SNRNP70: variants seen among roughly 807,000 people sequenced by gnomAD.
SNRNP70 encodes U1 small nuclear ribonucleoprotein 70 kDa.
SNRNP70 carries 8 observed loss-of-function variants against 50.5 expected under a neutral mutation model. The ratio of observed to expected loss-of-function variants is 0.16; its 90% CI spans 0.09 to 0.29. SNRNP70 has a LOEUF of 0.29. SNRNP70 is among the 10% of genes least tolerant of loss of function. SNRNP70 has a pLI of 1.00. For missense variants in SNRNP70, 529 were observed against 663.5 expected, an observed-to-expected ratio of 0.80 and a Z score of 2.23; for synonymous variants, 320 against 252.9, an observed-to-expected ratio of 1.27 and a Z score of -2.52.
chr19:49,085,662 G>A, intron 1 of SNRNP70, 26 bp downstream of exon 1: 1 of 455,794 alleles, frequency 2.2e-6, no homozygotes. Flanking sequence ...TGAGTGGCCC[G>A]ACGGGGTGCG....
At chr19:49,100,713 G>A (rs2040571976) in intron 6 of SNRNP70, among the ~76,000 whole-genome samples, 1 of 151,514 alleles carries the variant, frequency 6.6e-6, no homozygotes, top group African/African-American at 2.4e-5. Flanking sequence ...GGCTGAGGCA[G>A]GAGAATCGCT....
chr19:49,096,079 T>G (rs1393055512), intron 4 of SNRNP70, among the ~76,000 whole-genome samples: 2 of 150,846 alleles, frequency 1.3e-5, no homozygotes, highest in African/African-American at 2.4e-5. Flanking sequence ...TGTTTTTTGT[T>G]TTTTTTTTCG....
At position 49,104,770 on chromosome 19, in the gene SNRNP70, G is replaced by T. The variant is rs145295496; in HGVS notation, c.577+35G>T. The stretch of plus-strand genomic sequence containing the variant: ...TCCTGCCTTCGACGGGCTCTCGGGG[G>T]CCCTGGGCCTGGTGGCCTTGTTCTC... On this transcript the variant is annotated intron_variant, in intron 8 of 9. Transcript: ENST00000598441. This position sits in a 1 kb window ranked among gnomAD's most constrained non-coding sequence, Gnocchi z 5.4. 4 of 1,400,450 alleles carry T rather than the reference G, an allele frequency of 2.9e-6. No homozygotes were observed. Among genetic ancestry groups the T allele is most frequent in the Admixed American group, 2.3e-5 (1 of 42,942 alleles). 86.8% of individuals were successfully genotyped at this position (1,400,450 alleles called of 1,614,324 possible).
intron 2 of SNRNP70, chr19:49,087,633 G>A (rs1006546401): frequency 2.0e-5 from 3 of 152,204 alleles, no homozygotes; most frequent in African/African-American, 7.2e-5. Context: ...GGGATGACAA[G>A]GGTCATCTCT....
At chr19:49,088,863 A>T (rs2040414815) in intron 2 of SNRNP70, among the ~76,000 whole-genome samples, 2 of 152,058 alleles carry the variant, frequency 1.3e-5, no homozygotes, top group African/African-American at 4.8e-5. Flanking sequence ...GAGGGTGTGC[A>T]GTTGTGGGCT....
Position 49,108,332 on chromosome 19 carries a change from C to CGGGCTGGAG in SNRNP70, c.1206_1214dup (p.Glu404_Leu406dup). 1.9e-6 allele frequency: 3 copies of CGGGCTGGAG among 1,602,008 alleles called. No homozygotes were observed. The highest frequency in any genetic ancestry group is 2.6e-6 in the Non-Finnish European group (3 of 1,174,686). ...GAGGTGGGGGCGGTGGCCAGGACAA[C>CGGGCTGGAG]GGGCTGGAGGGTCTGGGCAACGACA... is the stretch of plus-strand genomic sequence containing the variant. On this transcript the variant is annotated inframe_insertion, in exon 10 of 10. Coordinates refer to ENST00000598441, the MANE Select transcript of SNRNP70 (RefSeq NM_003089.6).
chr19:49,092,740 A>T (rs368441530), intron 4 of SNRNP70, among the ~76,000 whole-genome samples: 1 of 152,128 alleles, frequency 6.6e-6, no homozygotes, highest in East Asian at 1.9e-4. Context: ...AACCACATCC[A>T]CTGTGGGTCT....
chr19:49,102,249 G>A, intron 7 of SNRNP70: 1 of 1,157,008 alleles, frequency 8.6e-7, no homozygotes, highest in South Asian at 1.3e-5. Flanking sequence ...GGCAGCTCAG[G>A]AGCAGCGAGG....
At position 49,090,538 on chromosome 19, in the gene SNRNP70, C is replaced by A. The variant is rs2040435147; in HGVS notation, c.265+18C>A. The A allele has an allele frequency of 1.2e-6, 2 of 1,612,580 alleles. No homozygotes were observed. The highest frequency in any genetic ancestry group is 1.7e-6 in the Non-Finnish European group (2 of 1,178,764). ...TAAAATGTGTAAGTCTCTCATCCACCATTTGGCTCTCTCCTCTCCCAAACC... is the reference window on the plus strand; with the variant it reads ...TAAAATGTGTAAGTCTCTCATCCACAATTTGGCTCTCTCCTCTCCCAAACC... On this transcript the variant is annotated intron_variant, in intron 4 of 9. Coordinates refer to ENST00000598441, the MANE Select transcript of SNRNP70 (RefSeq NM_003089.6).
chr19:49,093,791 C>G (rs1020497615), intron 4 of SNRNP70, among the ~76,000 whole-genome samples: 14 of 150,570 alleles, frequency 9.3e-5, no homozygotes, highest in African/African-American at 3.2e-4. Context: ...GTCAGGAGTT[C>G]AAGACCAGCC....
rs2040716411 is a variant in SNRNP70, at chr19:49,108,503, A to C, written c.*60A>C. ...CGTTCCTGCCCAGCCCCTTGCTGTC[A>C]TCCCCTCCCCCAACCTTGGCCACTT... is the stretch of plus-strand genomic sequence containing the variant. On this transcript the variant is annotated 3_prime_UTR_variant, in exon 10 of 10. Coordinates refer to ENST00000598441, the MANE Select transcript of SNRNP70 (RefSeq NM_003089.6). 1.7e-5 allele frequency: 26 copies of C among 1,536,872 alleles called. No homozygotes were observed. In the South Asian group the frequency reaches 2.8e-4, roughly 16 times the overall value.
At chr19:49,093,080 A>G (rs1380533145) in intron 4 of SNRNP70, among the ~76,000 whole-genome samples, 15 of 150,082 alleles carry the variant, frequency 1.0e-4, no homozygotes. Context: ...ATGCCCAGCC[A>G]AAAGTGTTTT....
At chr19:49,103,052 C>G (rs1255284785) in intron 7 of SNRNP70, 1 of 152,626 alleles carries the variant, frequency 6.6e-6, no homozygotes, top group Non-Finnish European at 1.5e-5. Context: ...TCCTGGACCC[C>G]TGTGTGCCAG....
intron 6 of SNRNP70, among the ~76,000 whole-genome samples, chr19:49,101,170 C>T (rs902391119): frequency 7.2e-5 from 11 of 152,240 alleles, no homozygotes; most frequent in Admixed American, 1.3e-4. Flanking sequence ...CTTCATCTCT[C>T]TTCTTTCTTT....
chr19:49,089,656 A>ATTTTTTTT lies in SNRNP70; in HGVS notation c.148-618_148-611dup, dbSNP rs71179085. On this transcript the variant is annotated intron_variant, in intron 2 of 9. Transcript: ENST00000598441. ...GACCATGCTTAGTTTTTGAGACAGG[A>ATTTTTTTT]TTTTTTTTTTTTTTTTTTTTTTTTG... Among the ~76,000 whole-genome samples the ATTTTTTTT allele has an allele frequency of 1.2e-4, 10 of 82,586 alleles. 1 individual carries two copies. The highest frequency in any genetic ancestry group is 3.4e-4 in the Admixed American group (2 of 5,814). 54.2% of individuals were successfully genotyped at this position (82,586 alleles called of 152,430 possible). A position where few individuals can be genotyped will look rare whatever the true frequency, so the allele number is the denominator to read the frequency against.
intron 4 of SNRNP70, among the ~76,000 whole-genome samples, chr19:49,092,008 C>G (rs1310809523): frequency 6.6e-6 from 1 of 152,212 alleles, no homozygotes; most frequent in Non-Finnish European, 1.5e-5. Context: ...TGTCACAAAT[C>G]TGACCCTTCT....
intron 7 of SNRNP70, chr19:49,103,442 CTG>C (rs977909089): frequency 1.3e-5 from 2 of 152,630 alleles, no homozygotes; most frequent in African/African-American, 4.8e-5. Flanking sequence ...GGTGTGGGGT[CTG>C]TGCGCGTGCT....
chr19:49,085,678 G>A (rs2040368119), intron 1 of SNRNP70, 42 bp downstream of exon 1: 1 of 455,040 alleles, frequency 2.2e-6, no homozygotes, highest in South Asian at 1.6e-5. Flanking sequence ...GTGCGGGGCC[G>A]CTACCCAGAA....
intron 2 of SNRNP70, among the ~76,000 whole-genome samples, chr19:49,089,811 C>T (rs1482155117): frequency 1.3e-5 from 2 of 151,420 alleles, no homozygotes; most frequent in East Asian, 3.9e-4. Flanking sequence ...TACAGGCGCC[C>T]ACCACCACGC....
Sources: allele counts gnomAD v4.1 joint callset (sites outside exome capture counted in the v4.1 genomes callset), GRCh38; gene constraint gnomAD v4.1.1; non-coding constraint Gnocchi (gnomAD v3.1); transcripts MANE v1.5; gene names NCBI Gene and HGNC (gene_info 2026-07-23, HGNC 2026-07-21).